Variants in ENOX1 observed in about 807,000 individuals in gnomAD.
The protein encoded by ENOX1 is ecto-NOX disulfide-thiol exchanger 1.
In ENOX1, 42 loss-of-function variants were observed where a neutral mutation model predicts 82.5. The observed-to-expected ratio is 0.51, with a 90% CI of 0.40 to 0.66. ENOX1 has a LOEUF of 0.66. Among genes scored for constraint, ENOX1 ranks in the 30% least tolerant of loss-of-function variants. The pLI, the probability that ENOX1 is intolerant of heterozygous loss-of-function variation, is 0.00. For missense variants in ENOX1, 608 were observed against 811.6 expected, an observed-to-expected ratio of 0.75 and a Z score of 3.05; for synonymous variants, 271 against 282.2, an observed-to-expected ratio of 0.96 and a Z score of 0.40.
At chr13:43,777,073 G>A (rs1287748503) in intron 1 of ENOX1, among the ~76,000 whole-genome samples, 1 of 152,188 alleles carries the variant, frequency 6.6e-6, no homozygotes, top group Non-Finnish European at 1.5e-5. Context: ...TTTTACAATA[G>A]GCATACTTTA....
chr13:43,740,547 TG>T (rs926306592), intron 1 of ENOX1, among the ~76,000 whole-genome samples: 75 of 152,254 alleles, frequency 4.9e-4, no homozygotes, highest in African/African-American at 1.8e-3. Flanking sequence ...ACATGTCTCG[TG>T]GGGTTTTTTG....
At chr13:43,730,386 A>T (rs1240129375) in intron 1 of ENOX1, among the ~76,000 whole-genome samples, 1 of 152,194 alleles carries the variant, frequency 6.6e-6, no homozygotes, top group South Asian at 2.1e-4. Context: ...CCAGATAGCC[A>T]AACAAGGACT....
intron 8 of ENOX1, among the ~76,000 whole-genome samples, chr13:43,349,586 T>G (rs1164001466): frequency 1.3e-5 from 2 of 152,182 alleles, no homozygotes; most frequent in Non-Finnish European, 2.9e-5. Context: ...TTTGCTATAT[T>G]CTAAGACCAG....
In ENOX1 at chr13:43,650,760, C is replaced by T. The variant is rs181338249; in HGVS notation, c.-219+16719G>A. Among the ~76,000 whole-genome samples the T allele has an allele frequency of 3.2e-3, 492 of 152,260 alleles. 4 individuals carry two copies. The highest frequency in any genetic ancestry group is 0.011 in the African/African-American group (470 of 41,524). ...GGCTGAGGCAGGAGAATTGCTTGAA[C>T]GTGGGAGGCAGAGGTTGCAGTGAGC... On this transcript the variant is annotated intron_variant, in intron 2 of 16. Coordinates refer to ENST00000690772, the MANE Select transcript of ENOX1 (RefSeq NM_001347969.2).
intron 14 of ENOX1, among the ~76,000 whole-genome samples, chr13:43,254,328 T>G (rs1029634430): frequency 3.3e-5 from 5 of 152,180 alleles, no homozygotes; most frequent in African/African-American, 4.8e-5. Flanking sequence ...TATATAAAAT[T>G]TGCCTTTCTC....
intron 2 of ENOX1, among the ~76,000 whole-genome samples, chr13:43,503,045 A>G (rs2077037494): frequency 1.3e-5 from 2 of 151,670 alleles, no homozygotes; most frequent in Admixed American, 1.3e-4. Flanking sequence ...TCAACATATA[A>G]AAATTAGTTC....
intron 2 of ENOX1, among the ~76,000 whole-genome samples, chr13:43,616,204 A>ATT (rs58543927): frequency 1.3e-4 from 2 of 15,318 alleles, no homozygotes; most frequent in African/African-American, 2.2e-4. Context: ...ATATATATAT[A>ATT]TTTTTTTTTT....
At chr13:43,687,345 T>C (rs980268714) in intron 1 of ENOX1, among the ~76,000 whole-genome samples, 2 of 152,214 alleles carry the variant, frequency 1.3e-5, no homozygotes, top group Non-Finnish European at 2.9e-5. Context: ...CACAGTCATA[T>C]TGGACGGGGG....
chr13:43,770,355 G>C (rs1338687249), intron 1 of ENOX1, among the ~76,000 whole-genome samples: 1 of 152,162 alleles, frequency 6.6e-6, no homozygotes, highest in Non-Finnish European at 1.5e-5. Flanking sequence ...TCCTAGAGAT[G>C]CAGAAATTTT....
At chr13:43,739,886 C>T (rs1327019698) in intron 1 of ENOX1, among the ~76,000 whole-genome samples, 1 of 152,100 alleles carries the variant, frequency 6.6e-6, no homozygotes, top group Non-Finnish European at 1.5e-5. Flanking sequence ...CCTCAGCCTA[C>T]TCAACTTGAA....
At chr13:43,688,859 T>TA (rs2086212217) in intron 1 of ENOX1, among the ~76,000 whole-genome samples, 1 of 152,222 alleles carries the variant, frequency 6.6e-6, no homozygotes, top group Admixed American at 6.5e-5. Context: ...AATAAGCAGT[T>TA]AGACAGTTGG....
At chr13:43,647,824 A>C (rs1187096355) in intron 2 of ENOX1, among the ~76,000 whole-genome samples, 1 of 152,232 alleles carries the variant, frequency 6.6e-6, no homozygotes, top group African/African-American at 2.4e-5. Context: ...GTATTTTCCA[A>C]GTAAACTCAA....
At chr13:43,465,447 A>G (rs1269313707) in intron 3 of ENOX1, among the ~76,000 whole-genome samples, 1 of 151,752 alleles carries the variant, frequency 6.6e-6, no homozygotes, top group Admixed American at 6.6e-5. Context: ...TTTTTTGAGC[A>G]CTTATTTTTT....
intron 11 of ENOX1, among the ~76,000 whole-genome samples, chr13:43,311,247 C>T (rs908623720): frequency 6.6e-6 from 1 of 151,962 alleles, no homozygotes; most frequent in Non-Finnish European, 1.5e-5. Context: ...AGAGAAGGGG[C>T]TCTGAAGCCA....
At chr13:43,595,592 TTCATAGGG>T (rs753092436) in intron 2 of ENOX1, among the ~76,000 whole-genome samples, 4 of 152,190 alleles carry the variant, frequency 2.6e-5, no homozygotes, top group Admixed American at 2.0e-4. Context: ...TTAACATTCT[TTCATAGGG>T]TCATAGGGTC....
intron 16 of ENOX1, 111 bp downstream of exon 16, chr13:43,223,942 A>C: frequency 2.8e-6 from 2 of 727,040 alleles, no homozygotes; most frequent in Admixed American, 5.1e-5. Flanking sequence ...GGGCTGATCA[A>C]CCCCCATAGG....
intron 1 of ENOX1, among the ~76,000 whole-genome samples, chr13:43,757,401 T>C (rs1184439240): frequency 6.6e-6 from 1 of 152,198 alleles, no homozygotes; most frequent in East Asian, 1.9e-4. Context: ...TCTCTCAGAA[T>C]TCTGCCTACC....
chr13:43,662,037 T>C (rs1422485139), intron 2 of ENOX1, among the ~76,000 whole-genome samples: 1 of 152,184 alleles, frequency 6.6e-6, no homozygotes, highest in Non-Finnish European at 1.5e-5. Context: ...CATCATGTCC[T>C]TCTCTTTCTG....
chr13:43,747,307 G>C (rs548590876), intron 1 of ENOX1, among the ~76,000 whole-genome samples: 7 of 152,096 alleles, frequency 4.6e-5, no homozygotes, highest in Non-Finnish European at 8.8e-5. Context: ...TTATTATTGT[G>C]CACAAAAAGA....
Sources: allele counts gnomAD v4.1 joint callset (sites outside exome capture counted in the v4.1 genomes callset), GRCh38; gene constraint gnomAD v4.1.1; transcripts MANE v1.5; gene names NCBI Gene and HGNC (gene_info 2026-07-23, HGNC 2026-07-21).